ELK1: variants seen among roughly 807,000 people sequenced by gnomAD.
ELK1 encodes ETS domain-containing protein Elk-1.
For missense variants in ELK1, 254 were observed against 381.5 expected (o/e 0.67, Z 2.78); for synonymous variants, 163 against 176.3 (o/e 0.92, Z 0.60).
intron 2 of ELK1, among the ~76,000 whole-genome samples, chrX:47,645,759 G>A (rs1191526034): frequency 2.7e-5 from 3 of 112,176 alleles, no homozygotes; most frequent in Admixed American, 1.9e-4. Flanking sequence ...TCCCCGCAGG[G>A]AGAGCTCTTC....
At chrX:47,645,161 AG>A (rs1170423896) in intron 2 of ELK1, among the ~76,000 whole-genome samples, 2 of 110,515 alleles carry the variant, frequency 1.8e-5, no homozygotes, top group Non-Finnish European at 3.8e-5. Context: ...GTAAGTTTTG[AG>A]GGGGGTCACA....
chrX:47,637,690 G>T, intron 5 of ELK1, 61 bp downstream of exon 5: 1 of 1,112,324 alleles, frequency 9.0e-7, no homozygotes, highest in Non-Finnish European at 1.2e-6. Flanking sequence ...TCAGTCACCC[G>T]CCACATGCCA....
Position 47,641,395 on chromosome X carries a change from C to T in ELK1, c.47G>A (p.Arg16Lys), listed in dbSNP as rs1428854653. The T allele has an allele frequency of 8.3e-7, 1 of 1,212,054 alleles. No individual in the cohort carries two copies. The highest frequency in any genetic ancestry group is 1.7e-5 in the African/African-American group (1 of 57,869). Residue 16 changes from arginine to lysine, a missense_variant, in exon 3 of 7, where the codon AGA (arginine) becomes AAA (lysine). Physicochemically the swap from Arg to Lys is conservative, Grantham distance 26. Coordinates refer to ENST00000376983, the MANE Select transcript of ELK1 (RefSeq NM_001114123.3). ...GATGATGTGGCCATTGCCTTGCTCT[C>T]TCAGCAGCTGCAGCAGAAACTGCCA... ...TLWQFLLQLLREQGNGHIISW... is the reference protein window; with the variant it reads ...TLWQFLLQLLKEQGNGHIISW...
chrX:47,638,762 G>A, intron 4 of ELK1, 133 bp downstream of exon 4: 1 of 778,784 alleles, frequency 1.3e-6, no homozygotes, highest in East Asian at 3.5e-5. Context: ...CTAAGAGGAT[G>A]TCTTCCTTCC....
At chrX:47,639,877 T>G (rs1331059444) in intron 3 of ELK1, among the ~76,000 whole-genome samples, 1 of 112,704 alleles carries the variant, frequency 8.9e-6, no homozygotes. Flanking sequence ...GTAACTGATA[T>G]AAATGTTGGA....
At chrX:47,644,785 C>T (rs1218775132) in intron 2 of ELK1, among the ~76,000 whole-genome samples, 4 of 110,309 alleles carry the variant, frequency 3.6e-5, no homozygotes, top group African/African-American at 9.9e-5. Flanking sequence ...AACAGAGTGA[C>T]GGGGGCCAGA....
intron 3 of ELK1, 64 bp from the exon 4 acceptor site, chrX:47,639,402 A>C: frequency 1.9e-5 from 8 of 412,443 alleles, no homozygotes; most frequent in Non-Finnish European, 2.5e-5. Flanking sequence ...GCAGGGTGTC[A>C]GGGGGGAGGA....
At chrX:47,643,793 T>G (rs1356311827) in intron 2 of ELK1, among the ~76,000 whole-genome samples, 2 of 110,955 alleles carry the variant, frequency 1.8e-5, no homozygotes, top group Non-Finnish European at 3.8e-5. Context: ...AACTTATAAA[T>G]GAGGCAGCGG....
At chrX:47,637,160 G>A (rs764659361) in intron 5 of ELK1, 46 bp from the exon 6 acceptor site, 1 of 1,124,984 alleles carries the variant, frequency 8.9e-7, no homozygotes, top group South Asian at 1.9e-5. Context: ...GAAAGTAGAT[G>A]TGGGATGCTG....
chrX:47,648,175 C>T lies in ELK1; in HGVS notation c.-35+1746G>A, dbSNP rs761720485. 3.1e-4 allele frequency among the ~76,000 whole-genome samples: 34 copies of T among 109,825 alleles called. 1 individual carries two copies. Among genetic ancestry groups the T allele is most frequent in the Non-Finnish European group, 5.5e-4 (29 of 52,632 alleles). ...AGAAAAAGGGATCTCGCTATATTGC[C>T]CAGGCTGGCCTGGAACTCCTGGGCT... On this transcript the variant is annotated intron_variant, in intron 2 of 6. Coordinates refer to ENST00000376983, the MANE Select transcript of ELK1 (RefSeq NM_001114123.3).
intron 2 of ELK1, among the ~76,000 whole-genome samples, chrX:47,644,450 T>C (rs2058037374): frequency 9.0e-6 from 1 of 111,176 alleles, no homozygotes; most frequent in Admixed American, 9.6e-5. Flanking sequence ...GCTCACATCT[T>C]AGCAGGAAAG....
At chrX:47,638,831 GGGGATT>G in intron 4 of ELK1, 58 bp downstream of exon 4, 1 of 1,112,143 alleles carries the variant, frequency 9.0e-7, no homozygotes, top group Non-Finnish European at 1.2e-6. Flanking sequence ...CTCGTCATCC[GGGGATT>G]ACACATCCCT....
At chrX:47,645,340 G>T (rs2058040241) in intron 2 of ELK1, among the ~76,000 whole-genome samples, 1 of 111,975 alleles carries the variant, frequency 8.9e-6, no homozygotes, top group South Asian at 3.7e-4. Flanking sequence ...GTTAAAGGGT[G>T]GGGATTATCA....
chrX:47,635,578 A>AG lies in ELK1; in HGVS notation c.*1250_*1251insC, dbSNP rs1178181577. The AG allele has an allele frequency of 9.2e-6, 1 of 108,481 alleles. No homozygotes were observed. The highest frequency in any genetic ancestry group is 3.4e-5 in the African/African-American group (1 of 29,618). The allele number at this position is 108,481 out of a possible 1,213,427, so 8.9% of individuals were successfully genotyped here. A position where few individuals can be genotyped will look rare whatever the true frequency, so the allele number is the denominator to read the frequency against. On this transcript the variant is annotated 3_prime_UTR_variant, in exon 7 of 7. Transcript: ENST00000376983. ...TTCCCCATTCTCTGGGACTCTTTAG[A>AG]AAAAAAAAAGGTCCATTTTGGGGAA... is the stretch of plus-strand genomic sequence containing the variant.
chrX:47,642,901 C>T (rs963100523), intron 2 of ELK1, among the ~76,000 whole-genome samples: 8 of 111,571 alleles, frequency 7.2e-5, no homozygotes, highest in Middle Eastern at 4.6e-3. Context: ...ATACCGTGCT[C>T]GGCCCTGAAT....
Position 47,639,211 on chromosome X carries a change from T to C in ELK1, c.338A>G (p.Asn113Ser). The C allele has an allele frequency of 8.3e-7, 1 of 1,209,810 alleles. No individual in the cohort carries two copies. The highest frequency in any genetic ancestry group is 1.1e-6 in the Non-Finnish European group (1 of 894,502). ...PEVSVTSTMP[N>S]VAPAAIHAAP... The stretch of plus-strand genomic sequence containing the variant: ...GGCATGTATAGCAGCAGGGGCCACA[T>C]TTGGCATGGTGGAGGTAACAGACAC... The change falls in exon 4 of 7, where the codon AAT (asparagine) becomes AGT (serine). Residue 113 changes from asparagine (N) to serine (S), a missense_variant. Coordinates refer to ENST00000376983, the MANE Select transcript of ELK1 (RefSeq NM_001114123.3).
chrX:47,646,609 A>G (rs1194564251), intron 2 of ELK1, among the ~76,000 whole-genome samples: 2 of 112,737 alleles, frequency 1.8e-5, no homozygotes, highest in Admixed American at 9.3e-5. Context: ...ATAAACTGGC[A>G]TTCTTAGAAA....
In ELK1 at chrX:47,638,909, C is replaced by T. The variant is rs746742977; in HGVS notation, c.640G>A (p.Gly214Ser). 2.2e-5 allele frequency: 26 copies of T among 1,202,448 alleles called. No homozygotes were observed. The highest frequency in any genetic ancestry group is 2.3e-4 in the Middle Eastern group (1 of 4,347). The change falls in exon 4 of 7, where the codon GGC (glycine) becomes AGC (serine). Residue 214 changes from glycine to serine, a missense_variant. Transcript: ENST00000376983. ...CCAGTCCTTACCTGCAGAGGCAAGC[C>T]GGCCTCTTCAGCCTCCAGACAGGCC... ...LEACLEAEEA[G>S]LPLQVILTPP...
chrX:47,637,224 C>T (rs2058011844), intron 5 of ELK1, 110 bp from the exon 6 acceptor site: 3 of 773,077 alleles, frequency 3.9e-6, no homozygotes, highest in Non-Finnish European at 5.8e-6. Context: ...CTCCCAGGGT[C>T]ACTCCCCAAA....
Sources: gnomAD v4.1 joint callset for allele counts (sites outside exome capture counted in the v4.1 genomes callset) on GRCh38, gnomAD v4.1.1 for gene constraint, MANE v1.5 for transcripts, NCBI Gene and HGNC (gene_info 2026-07-23, HGNC 2026-07-21) for gene names.